Variants in DNAH9 observed in about 807,000 individuals in gnomAD.
DNAH9 encodes the protein dynein axonemal heavy chain 9.
DNAH9 carries 345 observed loss-of-function variants against 471.6 expected under a neutral mutation model. That is an observed-to-expected ratio of 0.73 (90% CI 0.67 to 0.80). The LOEUF (loss-of-function observed/expected upper bound fraction) is 0.80, where lower values mean the gene tolerates loss of function less well. Ranked by LOEUF, DNAH9 falls within the 30% of genes least tolerant of loss-of-function variation. DNAH9 has a pLI of 0.00. For synonymous variants in DNAH9, 2,093 were observed against 2,123.6 expected, an observed-to-expected ratio of 0.99 and a Z score of 0.40; for missense variants, 5,407 against 5,609.2, an observed-to-expected ratio of 0.96 and a Z score of 1.15.
intron 4 of DNAH9, chr17:11,612,728 T>C (rs960874379): frequency 6.6e-6 from 1 of 152,226 alleles, no homozygotes; most frequent in Non-Finnish European, 1.5e-5. Context: ...CCCTTTTTCT[T>C]GTAAAATCTC....
intron 45 of DNAH9, among the ~76,000 whole-genome samples, chr17:11,819,007 G>A (rs1425437577): frequency 2.6e-5 from 4 of 151,622 alleles, no homozygotes; most frequent in African/African-American, 7.3e-5. Flanking sequence ...TCCTAATTCA[G>A]AATTTTATTC....
chr17:11,752,298 T>G (rs1967189617), intron 32 of DNAH9, among the ~76,000 whole-genome samples: 1 of 152,214 alleles, frequency 6.6e-6, no homozygotes, highest in South Asian at 2.1e-4. Flanking sequence ...TGTAGTTTCA[T>G]CATGTCATAG....
chr17:11,821,913 T>A lies in DNAH9; in HGVS notation c.8708-7T>A. 1.2e-6 allele frequency: 2 copies of A among 1,605,186 alleles called. No individual in the cohort carries two copies. The highest frequency in any genetic ancestry group is 1.7e-6 in the Non-Finnish European group (2 of 1,177,372). ...AGGCTGCCTATCTGTGCTCCATTTT[T>A]TCCCAGGGGAGATCCCAGATCTCTA... On this transcript the variant is annotated splice_polypyrimidine_tract_variant and splice_region_variant and intron_variant, in intron 45 of 68. Coordinates refer to ENST00000262442, the MANE Select transcript of DNAH9 (RefSeq NM_001372.4).
chr17:11,708,128 C>G (rs1358113393), intron 26 of DNAH9, among the ~76,000 whole-genome samples: 3 of 151,966 alleles, frequency 2.0e-5, no homozygotes, highest in Non-Finnish European at 4.4e-5. Context: ...CTTGCCTCCT[C>G]CTTGTTGGCA....
chr17:11,873,262 T>G (rs1161861118), intron 52 of DNAH9, among the ~76,000 whole-genome samples: 1 of 152,240 alleles, frequency 6.6e-6, no homozygotes, highest in Non-Finnish European at 1.5e-5. Context: ...TTTTTCTGGC[T>G]TTGTTTGGAT....
At chr17:11,742,090 C>CT in intron 29 of DNAH9, 85 bp from the exon 30 acceptor site, 1 of 1,280,376 alleles carries the variant, frequency 7.8e-7, no homozygotes, top group Non-Finnish European at 1.1e-6. Flanking sequence ...CATGTGTGAT[C>CT]TCGGCCAGTG....
At chr17:11,803,778 G>A (rs1333341215) in intron 43 of DNAH9, among the ~76,000 whole-genome samples, 2 of 152,136 alleles carry the variant, frequency 1.3e-5, no homozygotes, top group Non-Finnish European at 2.9e-5. Context: ...TGGGGGGTTG[G>A]GTGACCCAGA....
intron 36 of DNAH9, among the ~76,000 whole-genome samples, chr17:11,767,393 A>G (rs542017592): frequency 6.6e-5 from 10 of 152,342 alleles, no homozygotes. Context: ...AGAACATCAA[A>G]CAAATCTTTT....
chr17:11,677,555 A>C (rs971336563), intron 17 of DNAH9, among the ~76,000 whole-genome samples: 4 of 152,150 alleles, frequency 2.6e-5, no homozygotes, highest in African/African-American at 9.7e-5. Flanking sequence ...CATTTTTATA[A>C]TGAGCATAGA....
rs767626848 is a variant in DNAH9, at chr17:11,822,947, C to T, written c.9159C>T (p.Ser3053=). The part of the protein sequence containing the change: ...SFLEFIRLYQ[S]LLHRHRKELK... ...TGGAGTTCATCAGACTCTACCAGAG[C>T]TTGTTGCACAGGCACAGAAAAGAGC... Residue 3053 remains serine (S), a synonymous_variant, in exon 48 of 69, where the codon AGC becomes AGT. Coordinates refer to ENST00000262442, the MANE Select transcript of DNAH9 (RefSeq NM_001372.4). The T allele has an allele frequency of 1.2e-5, 19 of 1,614,238 alleles. No homozygotes were observed. In the Middle Eastern group the frequency reaches 1.2e-3, roughly 98 times the overall value.
intron 43 of DNAH9, among the ~76,000 whole-genome samples, chr17:11,806,409 T>A (rs894807285): frequency 6.6e-6 from 1 of 152,184 alleles, no homozygotes; most frequent in Middle Eastern, 3.2e-3. Flanking sequence ...GCAACATACA[T>A]ATCCAAGAGC....
In DNAH9 at chr17:11,783,876, C is replaced by G. The variant is rs16945334; in HGVS notation, c.7821+128C>G. 0.031 allele frequency: 21,789 copies of G among 710,200 alleles called. 518 individuals carry two copies. The highest frequency in any genetic ancestry group is 0.07 in the African/African-American group (3,924 of 55,868). 44.0% of individuals were successfully genotyped at this position (710,200 alleles called of 1,614,324 possible). ...TCAGAATGGTAAATCAGATAGAATG[C>G]CAAATTGCATCTCTAGGGGAAAAGA... On this transcript the variant is annotated intron_variant, in intron 40 of 68. Transcript: ENST00000262442.
At position 11,738,930 on chromosome 17, in the gene DNAH9, C is replaced by T. The variant is rs139063832; in HGVS notation, c.5865C>T (p.Phe1955=). ...AIRDKKQWFS[F]LGEEISLNPS... ...GAGATAAGAAGCAGTGGTTCAGCTT[C>T]CTTGGGGAGGAGATCAGCCTGAATC... The change falls in exon 29 of 69, where the codon TTC becomes TTT. Residue 1955 remains phenylalanine (F), a synonymous_variant. Transcript: ENST00000262442. 1.1e-5 allele frequency: 18 copies of T among 1,614,128 alleles called. No homozygotes were observed. The African/African-American group carries it at 2.4e-4, about 22-fold the overall frequency.
chr17:11,656,318 T>C (rs1052811777), intron 14 of DNAH9, among the ~76,000 whole-genome samples: 3 of 152,234 alleles, frequency 2.0e-5, no homozygotes, highest in African/African-American at 7.2e-5. Flanking sequence ...TCATTAGTGA[T>C]GTTGAGAATT....
At chr17:11,828,827 G>A (rs1970591065) in intron 48 of DNAH9, among the ~76,000 whole-genome samples, 1 of 152,086 alleles carries the variant, frequency 6.6e-6, no homozygotes, top group East Asian at 1.9e-4. Context: ...TTCTCTCTGG[G>A]TTCCATCCTT....
At chr17:11,811,431 C>T (rs1244146675) in intron 45 of DNAH9, among the ~76,000 whole-genome samples, 1 of 152,166 alleles carries the variant, frequency 6.6e-6, no homozygotes, top group Non-Finnish European at 1.5e-5. Flanking sequence ...GGTCTGTCTC[C>T]CCAGCTCTCT....
chr17:11,705,443 C>T (rs2074683123), intron 26 of DNAH9: 3 of 426,462 alleles, frequency 7.0e-6, no homozygotes, highest in East Asian at 3.7e-5. Flanking sequence ...CGAGTTCTAA[C>T]ACCAGCCCTA....
At chr17:11,835,472 C>T (rs1970820735) in intron 49 of DNAH9, among the ~76,000 whole-genome samples, 1 of 152,116 alleles carries the variant, frequency 6.6e-6, no homozygotes, top group Non-Finnish European at 1.5e-5. Flanking sequence ...AAATTAAACT[C>T]ATAAATTTAC....
intron 49 of DNAH9, 129 bp downstream of exon 49, chr17:11,835,027 T>A: frequency 8.0e-7 from 1 of 1,256,200 alleles, no homozygotes; most frequent in Non-Finnish European, 1.1e-6. Context: ...TGTCACTGAT[T>A]TGCTCATTAA....
Sources: allele counts gnomAD v4.1 joint callset (sites outside exome capture counted in the v4.1 genomes callset), GRCh38; gene constraint gnomAD v4.1.1; transcripts MANE v1.5; gene names NCBI Gene and HGNC (gene_info 2026-07-23, HGNC 2026-07-21).